TLL1: variants seen among roughly 807,000 people sequenced by gnomAD.
TLL1 encodes tolloid-like protein 1.
In TLL1, 49 loss-of-function variants were observed where a neutral mutation model predicts 128.2. The ratio of observed to expected loss-of-function variants is 0.38; its 90% CI spans 0.30 to 0.48. The LOEUF (loss-of-function observed/expected upper bound fraction) is 0.48, where lower values mean the gene tolerates loss of function less well. Among genes scored for constraint, TLL1 ranks in the 20% least tolerant of loss-of-function variants. The probability of loss-of-function intolerance (pLI) is 0.96; values close to 1 mark genes in which losing one functional copy is unlikely to be tolerated. For missense variants in TLL1, 1,123 were observed against 1,242.0 expected, an observed-to-expected ratio of 0.90 and a Z score of 1.44; for synonymous variants, 454 against 418.8, an observed-to-expected ratio of 1.08 and a Z score of -1.03.
intron 9 of TLL1, among the ~76,000 whole-genome samples, chr4:166,030,211 G>C (rs1055746203): frequency 1.3e-5 from 2 of 152,066 alleles, no homozygotes; most frequent in Non-Finnish European, 2.9e-5. Context: ...ATATCTCATT[G>C]TGATTTTGAT....
chr4:165,900,010 G>A (rs986904403), intron 1 of TLL1, among the ~76,000 whole-genome samples: 42 of 149,366 alleles, frequency 2.8e-4, no homozygotes, highest in African/African-American at 1.0e-3. Flanking sequence ...TTGGCTTAAA[G>A]TCTGTTTTAT....
intron 8 of TLL1, 34 bp from the exon 9 acceptor site, chr4:166,025,282 T>A: frequency 7.0e-7 from 1 of 1,428,568 alleles, no homozygotes; most frequent in East Asian, 2.3e-5. Context: ...TTATATAAAT[T>A]AACCAATGAT....
At chr4:165,939,035 T>G (rs191053951) in intron 1 of TLL1, among the ~76,000 whole-genome samples, 25 of 152,158 alleles carry the variant, frequency 1.6e-4, no homozygotes, top group Non-Finnish European at 2.1e-4. Flanking sequence ...TGAATATGTT[T>G]CTCAGCTATC....
At chr4:165,928,410 T>G (rs1200988975) in intron 1 of TLL1, among the ~76,000 whole-genome samples, 1 of 152,056 alleles carries the variant, frequency 6.6e-6, no homozygotes, top group African/African-American at 2.4e-5. Flanking sequence ...CCACTCTCTA[T>G]AGGAGAGTTG....
At chr4:165,934,571 T>G (rs890126169) in intron 1 of TLL1, among the ~76,000 whole-genome samples, 5 of 152,186 alleles carry the variant, frequency 3.3e-5, no homozygotes, top group African/African-American at 4.8e-5. Flanking sequence ...TTTAGGGAAG[T>G]GTCCCAGTGT....
intron 1 of TLL1, among the ~76,000 whole-genome samples, chr4:165,909,761 A>G (rs1305467341): frequency 6.6e-6 from 1 of 152,170 alleles, no homozygotes; most frequent in Non-Finnish European, 1.5e-5. Flanking sequence ...AAACATTTTT[A>G]TTTATGGGAT....
rs1736774851 is a variant in TLL1, at chr4:165,994,465, C to T, written c.446C>T (p.Ala149Val). ...QNEKNRVPRAATSRTERIWPG... is the reference protein window; with the variant it reads ...QNEKNRVPRAVTSRTERIWPG... ...GAGAAAAATCGAGTTCCCAGAGCCG[C>T]TACATCAAGAACGGAAAGAATATGG... The change falls in exon 4 of 21, where the codon GCT becomes GTT. Residue 149 changes from alanine to valine, a missense_variant. Physicochemically the swap from Ala to Val is moderately conservative, Grantham distance 64 (BLOSUM62 0). Transcript: ENST00000061240. 2 of 1,613,870 alleles carry T rather than the reference C, an allele frequency of 1.2e-6. No individual in the cohort carries two copies. The highest frequency in any genetic ancestry group is 1.7e-5 in the Admixed American group (1 of 59,974).
intron 4 of TLL1, 81 bp from the exon 5 acceptor site, chr4:165,994,980 C>A: frequency 8.6e-7 from 1 of 1,164,356 alleles, no homozygotes; most frequent in Non-Finnish European, 1.3e-6. Flanking sequence ...ACTGCTCAGC[C>A]AGACTTAGGG....
chr4:166,047,355 A>G (rs556596877), intron 12 of TLL1, among the ~76,000 whole-genome samples: 32 of 151,528 alleles, frequency 2.1e-4, no homozygotes, highest in East Asian at 3.9e-4. Context: ...TAGTAGAGAC[A>G]GGGTTTCACC....
At chr4:165,978,785 G>A (rs548510807) in intron 1 of TLL1, among the ~76,000 whole-genome samples, 4 of 152,322 alleles carry the variant, frequency 2.6e-5, no homozygotes, top group Admixed American at 2.0e-4. Context: ...TTGGTCTGCT[G>A]TGCTTTCCAA....
At chr4:165,956,136 C>T (rs1409460934) in intron 1 of TLL1, among the ~76,000 whole-genome samples, 1 of 146,378 alleles carries the variant, frequency 6.8e-6, no homozygotes. Flanking sequence ...AAAAGCAGAA[C>T]TACTGACAAG....
intron 15 of TLL1, among the ~76,000 whole-genome samples, chr4:166,062,293 A>G (rs1390596510): frequency 1.3e-5 from 2 of 152,198 alleles, no homozygotes; most frequent in African/African-American, 4.8e-5. Context: ...CATTGAATCT[A>G]TAAATTACCT....
chr4:166,098,869 G>A (rs760493907), intron 19 of TLL1, among the ~76,000 whole-genome samples: 26 of 152,074 alleles, frequency 1.7e-4, no homozygotes, highest in Non-Finnish European at 3.5e-4. Context: ...AGTTATTTGA[G>A]ACTAGAGACA....
intron 8 of TLL1, among the ~76,000 whole-genome samples, chr4:166,023,224 C>T (rs1213313969): frequency 6.6e-6 from 1 of 151,982 alleles, no homozygotes; most frequent in Non-Finnish European, 1.5e-5. Context: ...CATGGTGAAA[C>T]CCCCATCTCT....
chr4:166,018,686 A>C (rs1362952221), intron 8 of TLL1, among the ~76,000 whole-genome samples: 1 of 152,200 alleles, frequency 6.6e-6, no homozygotes, highest in Admixed American at 6.6e-5. Context: ...ACAATCAGCC[A>C]ACAAACATAT....
chr4:166,100,848 A>G lies in TLL1; in HGVS notation c.3014A>G (p.Tyr1005Cys), dbSNP rs1222273347. The change falls in exon 21 of 21, where the codon TAT (tyrosine) becomes TGT (cysteine). Residue 1005 changes from tyrosine to cysteine, a missense_variant. Physicochemically the swap from Tyr to Cys is radical, Grantham distance 194 (BLOSUM62 -2). Transcript: ENST00000061240. ...CATATAAGATACAAAAGCATAAGATATCCAGATACCACACATACCAAAAAA... is the reference window on the plus strand; with the variant it reads ...CATATAAGATACAAAAGCATAAGATGTCCAGATACCACACATACCAAAAAA... ...GFHIRYKSIRYPDTTHTKK is the reference protein window; with the variant it reads ...GFHIRYKSIRCPDTTHTKK 4 of 1,612,752 alleles carry G rather than the reference A, an allele frequency of 2.5e-6. No individual in the cohort carries two copies. The highest frequency in any genetic ancestry group is 3.4e-6 in the Non-Finnish European group (4 of 1,179,302).
At position 165,995,110 on chromosome 4, in the gene TLL1, C is replaced by T. The variant is rs1736813445; in HGVS notation, c.564C>T (p.His188=). The change falls in exon 5 of 21, where the codon CAC becomes CAT. Residue 188 remains histidine (H), a synonymous_variant. Coordinates refer to ENST00000061240, the MANE Select transcript of TLL1 (RefSeq NM_012464.5). ...FKQAMRHWEK[H]TCVTFIERSD... is the part of the protein sequence containing the mutation. The stretch of plus-strand genomic sequence containing the variant: ...AGGCCATGAGGCACTGGGAAAAGCA[C>T]ACATGTGTGACTTTCATAGAAAGAA... 2 of 1,613,860 alleles carry T rather than the reference C, an allele frequency of 1.2e-6. No homozygotes were observed. The highest frequency in any genetic ancestry group is 4.5e-5 in the East Asian group (2 of 44,864).
rs186538033 is a variant in TLL1 at position 166,009,504 on chromosome 4, T to C, written c.917+1456T>C. Among the ~76,000 whole-genome samples, 353 of 151,584 alleles carry C rather than the reference T, an allele frequency of 2.3e-3. 6 individuals carry two copies. Among genetic ancestry groups the C allele is most frequent in the Admixed American group, 0.021 (324 of 15,168 alleles). ...ATTTTCCCATAAATTAATCTGCTCT[T>C]GTTGCCCGTAGTCCACCTCACCCAC... On this transcript the variant is annotated intron_variant, in intron 7 of 20. Transcript: ENST00000061240.
chr4:166,060,580 T>G (rs1740264474), intron 15 of TLL1, among the ~76,000 whole-genome samples: 1 of 152,158 alleles, frequency 6.6e-6, no homozygotes, highest in African/African-American at 2.4e-5. Context: ...CTTATGGAAA[T>G]GGGTATATTT....
Sources: allele counts gnomAD v4.1 joint callset (sites outside exome capture counted in the v4.1 genomes callset), GRCh38; gene constraint gnomAD v4.1.1; transcripts MANE v1.5; gene names NCBI Gene and HGNC (gene_info 2026-07-23, HGNC 2026-07-21).